Variants in CDC123 observed in about 807,000 individuals in gnomAD.
CDC123 encodes the protein translation initiation factor eIF2 assembly protein.
CDC123 carries 37 observed loss-of-function variants against 54.4 expected under a neutral mutation model. The ratio of observed to expected loss-of-function variants is 0.68; its 90% confidence interval spans 0.52 to 0.89. CDC123 has a LOEUF of 0.89. Ranked by LOEUF, CDC123 falls within the 40% of genes least tolerant of loss-of-function variation. CDC123 has a pLI of 0.00. For missense variants in CDC123, 361 were observed against 412.1 expected (o/e 0.88, Z 1.07); for synonymous variants, 144 against 136.8 (o/e 1.05, Z -0.37).
At chr10:12,246,519 CTGTCACACCCACCTGGAGGAATCT>C (rs1180268044) in intron 11 of CDC123, 2 of 374,966 alleles carry the variant, frequency 5.3e-6, no homozygotes, top group East Asian at 1.0e-4. Flanking sequence ...TGAGCTTCTT[CTGTCACACCCACCTGGAGGAATCT>C]TGGTCCCAGA....
At position 12,238,438 on chromosome 10, in the gene CDC123, CT is replaced by C. The variant is rs1364485745; in HGVS notation, c.689-12del. On this transcript the variant is annotated intron_variant, in intron 9 of 12. Coordinates refer to ENST00000281141, the MANE Select transcript of CDC123 (RefSeq NM_006023.3). ...GAAATATTAGTTCATTAATAACTGA[CT>C]TTTTTTCTCCTTTACAGTTGTGTTC... The C allele has an allele frequency of 1.9e-6, 3 of 1,596,608 alleles. No individual in the cohort carries two copies. Among genetic ancestry groups the C allele is most frequent in the Non-Finnish European group, 2.6e-6 (3 of 1,174,890 alleles).
At chr10:12,238,262 A>G (rs1278333659) in intron 9 of CDC123, among the ~76,000 whole-genome samples, 195 bp from the exon 10 acceptor site, 1 of 152,224 alleles carries the variant, frequency 6.6e-6, no homozygotes. Context: ...AACAGAGAAC[A>G]GTAAAGCAAA....
intron 6 of CDC123, 117 bp from the exon 7 acceptor site, chr10:12,230,831 C>A: frequency 1.1e-6 from 1 of 929,782 alleles, no homozygotes. Flanking sequence ...GAGTTAGTCT[C>A]CTGTTTCTGG....
At chr10:12,249,834 G>A (rs1391229010) in intron 12 of CDC123, 116 bp downstream of exon 12, 38 of 1,305,908 alleles carry the variant, frequency 2.9e-5, no homozygotes, top group East Asian at 5.0e-5. Flanking sequence ...GGTTATGAAT[G>A]GAACCAAGTT....
intron 6 of CDC123, among the ~76,000 whole-genome samples, chr10:12,225,746 C>CTTTTTTTTTTTTTTTTTT (rs60404885): frequency 1.2e-4 from 8 of 66,928 alleles, no homozygotes; most frequent in African/African-American, 2.1e-4. Flanking sequence ...TAGCTTCTCT[C>CTTTTTTTTTTTTTTTTTT]TTTTTTTTTT....
chr10:12,239,284 A>G (rs2131763343), intron 10 of CDC123, among the ~76,000 whole-genome samples: 1 of 152,270 alleles, frequency 6.6e-6, no homozygotes, highest in Admixed American at 6.5e-5. Context: ...ACCATGGTTT[A>G]GGGATTCTTT....
intron 2 of CDC123, among the ~76,000 whole-genome samples, chr10:12,202,822 T>C (rs888876150): frequency 2.6e-5 from 4 of 152,136 alleles, no homozygotes; most frequent in Non-Finnish European, 5.9e-5. Context: ...TGAGACCGGC[T>C]TGGCCAACAT....
At chr10:12,203,115 C>A (rs1355425315) in intron 2 of CDC123, among the ~76,000 whole-genome samples, 1 of 152,156 alleles carries the variant, frequency 6.6e-6, no homozygotes, top group East Asian at 1.9e-4. Context: ...CTTCCATGCC[C>A]TACCTACACG....
rs147002732 is a variant in CDC123 at position 12,211,392 on chromosome 10, G to C, written c.237+1070G>C. 3.9e-5 allele frequency among the ~76,000 whole-genome samples: 6 copies of C among 151,938 alleles called. No individual in the cohort carries two copies. In the East Asian group the frequency reaches 1.2e-3, roughly 29 times the overall value. ...TTAATGAACAAGATATGATTGCCAG[G>C]ATAGAAGAAAAAAAAAGAAGTGGAG... On this transcript the variant is annotated intron_variant, in intron 4 of 12. Transcript: ENST00000281141.
intron 10 of CDC123, among the ~76,000 whole-genome samples, chr10:12,243,740 C>T (rs1415068976): frequency 2.7e-5 from 4 of 149,960 alleles, no homozygotes; most frequent in Admixed American, 2.0e-4. Context: ...GCAGAGATCG[C>T]ACCACTGCAC....
At chr10:12,200,120 A>AT (rs543337462) in intron 2 of CDC123, among the ~76,000 whole-genome samples, 1,130 of 59,334 alleles carry the variant, frequency 0.019, 77 homozygotes, top group African/African-American at 0.027. Flanking sequence ...CGCACTCGGC[A>AT]TTTTTTTTTT....
At chr10:12,213,275 G>T (rs1835626302) in intron 4 of CDC123, among the ~76,000 whole-genome samples, 1 of 152,204 alleles carries the variant, frequency 6.6e-6, no homozygotes, top group Non-Finnish European at 1.5e-5. Flanking sequence ...CCTTGTCAGT[G>T]ATGGGACAGA....
intron 8 of CDC123, 59 bp from the exon 9 acceptor site, chr10:12,237,085 A>G (rs533509664): frequency 2.8e-6 from 4 of 1,447,108 alleles, no homozygotes; most frequent in Admixed American, 5.5e-5. Context: ...TAAATCACGT[A>G]TTGATGTTTT....
intron 7 of CDC123, among the ~76,000 whole-genome samples, chr10:12,231,625 CAA>C (rs368800002): frequency 7.8e-5 from 6 of 77,268 alleles, no homozygotes; most frequent in South Asian, 4.8e-4. Context: ...AACTCCGTCT[CAA>C]AAAAAAAAAA....
chr10:12,232,358 T>C (rs1429409221), intron 7 of CDC123, among the ~76,000 whole-genome samples: 1 of 152,184 alleles, frequency 6.6e-6, no homozygotes, highest in Non-Finnish European at 1.5e-5. Flanking sequence ...AGTGCAGTAA[T>C]TTTAAAATCT....
At chr10:12,242,408 G>T (rs145773582) in intron 10 of CDC123, among the ~76,000 whole-genome samples, 2 of 152,248 alleles carry the variant, frequency 1.3e-5, no homozygotes, top group East Asian at 3.9e-4. Context: ...ATGGCTTTTG[G>T]TTCTGTTTTG....
Position 12,217,477 on chromosome 10 carries a change from TCTTA to T in CDC123, c.440+11_440+14del, listed in dbSNP as rs761715414. On this transcript the variant is annotated intron_variant, in intron 6 of 12. Transcript: ENST00000281141. ...GTGACTTCACTCAGCCGTAAGTATC[TCTTA>T]TTCTCTCATGTCAATAGTTTCAGTA... 6.2e-7 allele frequency: 1 copy of T among 1,611,298 alleles called. No homozygotes were observed. The highest frequency in any genetic ancestry group is 8.5e-7 in the Non-Finnish European group (1 of 1,178,516).
chr10:12,210,586 TCTC>T (rs1175682184), intron 4 of CDC123, among the ~76,000 whole-genome samples: 2 of 152,190 alleles, frequency 1.3e-5, no homozygotes, highest in African/African-American at 2.4e-5. Context: ...AAGCTCTGAC[TCTC>T]TGCAAGAAGG....
intron 1 of CDC123, among the ~76,000 whole-genome samples, chr10:12,197,461 T>A (rs1835373905): frequency 6.6e-6 from 1 of 150,634 alleles, no homozygotes; most frequent in Admixed American, 6.6e-5. Context: ...ACTGCAAGCT[T>A]CCCTTCCCGA....
Sources: allele counts gnomAD v4.1 joint callset (sites outside exome capture counted in the v4.1 genomes callset), GRCh38; gene constraint gnomAD v4.1.1; transcripts MANE v1.5; gene names NCBI Gene and HGNC (gene_info 2026-07-23, HGNC 2026-07-21).